The following GRIP2 variants were observed in gnomAD, a reference collection of about 807,000 sequenced individuals.
The protein encoded by GRIP2 is glutamate receptor-interacting protein 2.
Under a neutral mutation model 108.3 loss-of-function variants are expected in GRIP2, and 58 were observed. The ratio of observed to expected loss-of-function variants is 0.54; its 90% confidence interval spans 0.43 to 0.67. GRIP2 has a LOEUF of 0.67. Among genes scored for constraint, GRIP2 ranks in the 30% least tolerant of loss-of-function variants. The pLI is 0.00. For missense variants in GRIP2, 1,278 were observed against 1,430.6 expected (o/e 0.89, Z 1.72); for synonymous variants, 586 against 598.2 (o/e 0.98, Z 0.30).
In GRIP2 at chr3:14,506,928, A is replaced by T; in HGVS notation, c.2271T>A (p.Asp757Glu). The part of the protein sequence containing the change: ...SGSLSETSDA[D>E]EDPADALKGG... ...CTTTCAGGGCATCTGCTGGGTCCTC[A>T]TCAGCATCACTGGTCTCACTGAGGC... The change falls in exon 19 of 24, where the codon GAT (aspartate) becomes GAA (glutamate). Residue 757 changes from aspartate to glutamate, a missense_variant. Transcript: ENST00000621039. 1.2e-6 allele frequency: 2 copies of T among 1,607,918 alleles called. No individual in the cohort carries two copies. The highest frequency in any genetic ancestry group is 1.7e-6 in the Non-Finnish European group (2 of 1,177,210).
the GRIP2 span, among the ~76,000 whole-genome samples, chr3:14,575,258 C>T: frequency 6.6e-6 from 1 of 152,228 alleles, no homozygotes; most frequent in African/African-American, 2.4e-5. Flanking sequence ...GTGCCACTGT[C>T]CGCAATGCTG....
intron 21 of GRIP2, among the ~76,000 whole-genome samples, 175 bp from the exon 22 acceptor site, chr3:14,496,735 C>A (rs765997119): frequency 5.3e-5 from 8 of 152,220 alleles, no homozygotes; most frequent in Non-Finnish European, 1.2e-4. Context: ...AGTCATGAAC[C>A]AATCACACTA....
chr3:14,552,097 A>G (rs1158990395), intron 1 of GRIP2, among the ~76,000 whole-genome samples: 2 of 152,180 alleles, frequency 1.3e-5, no homozygotes, highest in Non-Finnish European at 2.9e-5. Flanking sequence ...TCTCCGAGCC[A>G]CCATAGCTGA....
rs1575003561 is a variant in GRIP2, at chr3:14,512,513, G to A, written c.1720+264C>T. On this transcript the variant is annotated intron_variant, in intron 14 of 23. Coordinates refer to ENST00000621039, the MANE Select transcript of GRIP2 (RefSeq NM_001080423.4). The surrounding 1 kb of genome is among the most constrained non-coding windows in gnomAD (Gnocchi z 5.1). ...CACCTTCCAATGCTCTCTCACCATG[G>A]GCACCTCACAAGCCCCCTGGGAGAC... Among the ~76,000 whole-genome samples the A allele has an allele frequency of 1.3e-5, 2 of 152,218 alleles. No homozygotes were observed. The highest frequency in any genetic ancestry group is 2.9e-5 in the Non-Finnish European group (2 of 68,022).
At chr3:14,581,341 CCT>C in the GRIP2 span, among the ~76,000 whole-genome samples, 10 of 152,332 alleles carry the variant, frequency 6.6e-5, no homozygotes, top group African/African-American at 2.2e-4. Flanking sequence ...TCCCTTACCC[CCT>C]GTCCATGTGA....
At chr3:14,496,141 T>C (rs28376794) in intron 22 of GRIP2, among the ~76,000 whole-genome samples, 6,345 of 151,974 alleles carry the variant, frequency 0.042, 408 homozygotes, top group African/African-American at 0.14. Context: ...CGAGACCCTG[T>C]CTCAAAAAAA....
In GRIP2 at chr3:14,506,855, T is replaced by C. The variant is rs1404235599; in HGVS notation, c.2344A>G (p.Ser782Gly). 3 of 1,607,636 alleles carry C rather than the reference T, an allele frequency of 1.9e-6. No individual in the cohort carries two copies. Among genetic ancestry groups the C allele is most frequent in the East Asian group, 4.5e-5 (2 of 44,652 alleles). ...GAGCTGTCCCAAGACTCCACAGCAC[T>C]GTCCACACTGGGCACAGCCGGCGAG... ...RFSPAVPSVD[S>G]AVESWDSSAT... The change falls in exon 19 of 24, where the codon AGT becomes GGT. Residue 782 changes from serine (S) to glycine (G), a missense_variant. By Grantham distance (56) the Ser-to-Gly change is moderately conservative (BLOSUM62 0). Transcript: ENST00000621039.
chr3:14,532,373 G>A (rs1694731350), intron 1 of GRIP2, among the ~76,000 whole-genome samples: 1 of 152,070 alleles, frequency 6.6e-6, no homozygotes, highest in African/African-American at 2.4e-5. Flanking sequence ...TCAGGGCTCA[G>A]CCAGAACCGG....
chr3:14,540,946 C>T (rs968860535), upstream of GRIP2, among the ~76,000 whole-genome samples: 3 of 152,206 alleles, frequency 2.0e-5, no homozygotes, highest in African/African-American at 7.2e-5. The surrounding 1 kb of genome is among the most constrained non-coding windows in gnomAD (Gnocchi z 4.1). Flanking sequence ...CAGCCTGCCA[C>T]GTGGAGTGGC....
upstream of GRIP2, among the ~76,000 whole-genome samples, chr3:14,544,808 G>A (rs977125926): frequency 6.6e-6 from 1 of 152,188 alleles, no homozygotes; most frequent in Non-Finnish European, 1.5e-5. Flanking sequence ...TATAGATGGG[G>A]AAACTGAGGC....
chr3:14,514,928 A>G (rs1433543788), intron 11 of GRIP2, among the ~76,000 whole-genome samples: 1 of 152,220 alleles, frequency 6.6e-6, no homozygotes, highest in Non-Finnish European at 1.5e-5. Context: ...TGCAAACATC[A>G]CCACGATGCA....
chr3:14,601,817 C>CT, the GRIP2 span, among the ~76,000 whole-genome samples: 1 of 152,152 alleles, frequency 6.6e-6, no homozygotes, highest in Admixed American at 6.5e-5. Context: ...TCCCACTAGA[C>CT]TGAGAGAGGC....
chr3:14,567,453 G>A, the GRIP2 span, among the ~76,000 whole-genome samples: 2,814 of 152,120 alleles, frequency 0.018, 101 homozygotes, highest in African/African-American at 0.064. Context: ...GGCATCCCAG[G>A]AGACATGGCA....
intron 17 of GRIP2, among the ~76,000 whole-genome samples, chr3:14,508,062 T>C (rs147910887): frequency 6.6e-6 from 1 of 152,188 alleles, no homozygotes; most frequent in Admixed American, 6.5e-5. Context: ...ATGGGGGTGA[T>C]AATACTAATT....
At position 14,539,301 on chromosome 3, in the gene GRIP2, G is replaced by A. The variant is rs961866664; in HGVS notation, c.40+968C>T. On this transcript the variant is annotated intron_variant, in intron 1 of 23. Coordinates refer to ENST00000621039, the MANE Select transcript of GRIP2 (RefSeq NM_001080423.4). ...GACAACAGCCAGCTATTATGATTAT[G>A]AGTGTTATTTTTCCTGGGTCGCTAA... Among the ~76,000 whole-genome samples, 5 of 152,216 alleles carry A rather than the reference G, an allele frequency of 3.3e-5. No homozygotes were observed. In the South Asian group the frequency reaches 8.3e-4, roughly 25 times the overall value.
the GRIP2 span, among the ~76,000 whole-genome samples, chr3:14,569,764 A>G: frequency 6.6e-6 from 1 of 152,172 alleles, no homozygotes; most frequent in South Asian, 2.1e-4. Context: ...GTTTTCCTCC[A>G]GAGCCTCACA....
upstream of GRIP2, among the ~76,000 whole-genome samples, chr3:14,545,838 C>T (rs1290731091): frequency 6.6e-6 from 1 of 152,224 alleles, no homozygotes; most frequent in Non-Finnish European, 1.5e-5. Flanking sequence ...TTACTAAGCA[C>T]CTACTACCTT....
At chr3:14,503,511 C>T in intron 21 of GRIP2, 55 bp downstream of exon 21, 1 of 1,267,704 alleles carries the variant, frequency 7.9e-7, no homozygotes, top group Non-Finnish European at 1.1e-6. Context: ...TGCACACACA[C>T]CAGAGTGAAC....
At chr3:14,573,553 A>T in the GRIP2 span, 10 of 1,452,988 alleles carry the variant, frequency 6.9e-6, no homozygotes, top group Non-Finnish European at 8.7e-6. Context: ...TCCTCATGGA[A>T]ATAGCCCCTC....
Sources: gnomAD v4.1 joint callset for allele counts (sites outside exome capture counted in the v4.1 genomes callset) on GRCh38, gnomAD v4.1.1 for gene constraint, Gnocchi (gnomAD v3.1) non-coding constraint, MANE v1.5 for transcripts, NCBI Gene and HGNC (gene_info 2026-07-23, HGNC 2026-07-21) for gene names.